The following AACS variants were observed in gnomAD, a reference collection of about 807,000 sequenced individuals.
AACS encodes acetoacetyl-CoA synthetase.
Under a neutral mutation model 83.1 loss-of-function variants are expected in AACS, and 69 were observed. The ratio of observed to expected loss-of-function variants is 0.83; its 90% CI spans 0.68 to 1.01. AACS has a LOEUF of 1.01. Among genes scored for constraint, AACS ranks in the 50% least tolerant of loss-of-function variants. The pLI, the probability that AACS is intolerant of heterozygous loss-of-function variation, is 0.00. For missense variants in AACS, 866 were observed against 882.2 expected (o/e 0.98, Z 0.23); for synonymous variants, 333 against 343.4 (o/e 0.97, Z 0.33).
chr12:125,085,631 T>C (rs1565929557), intron 3 of AACS, among the ~76,000 whole-genome samples: 2 of 152,352 alleles, frequency 1.3e-5, no homozygotes, highest in South Asian at 2.1e-4. Flanking sequence ...CCATTTCTGT[T>C]TCCTGTCTTT....
At chr12:125,078,439 T>G (rs1956084648) in intron 3 of AACS, 1 of 413,464 alleles carries the variant, frequency 2.4e-6, no homozygotes, top group African/African-American at 2.1e-5. Flanking sequence ...AGATAGGTGG[T>G]CTGGGGTCAG....
chr12:125,091,397 C>T, intron 4 of AACS, 29 bp from the exon 5 acceptor site: 1 of 1,611,964 alleles, frequency 6.2e-7, no homozygotes, highest in Non-Finnish European at 8.5e-7. Context: ...ACCCTGAACC[C>T]AAGGCTTCTT....
chr12:125,128,483 G>A lies in AACS; in HGVS notation c.1423+209G>A, dbSNP rs1049770118. On this transcript the variant is annotated intron_variant, in intron 13 of 17. Transcript: ENST00000316519. ...CCCTAGCCTCTGAGAGGTCAGGGTC[G>A]AGCTGGAGGACAGGTGGAGAGATGT... 1.8e-4 allele frequency: 76 copies of A among 430,020 alleles called. No homozygotes were observed. In the South Asian group the frequency reaches 3.0e-3, roughly 17 times the overall value. The allele number at this position is 430,020 out of a possible 1,614,324, so 26.6% of individuals were successfully genotyped here. A position where few individuals can be genotyped will look rare whatever the true frequency, so the allele number is the denominator to read the frequency against.
intron 4 of AACS, among the ~76,000 whole-genome samples, chr12:125,089,116 T>C (rs1418109404): frequency 6.6e-6 from 1 of 152,218 alleles, no homozygotes; most frequent in Non-Finnish European, 1.5e-5. Flanking sequence ...CACCGAGTCC[T>C]GCCCTGACCC....
intron 4 of AACS, among the ~76,000 whole-genome samples, chr12:125,088,897 A>G (rs1956399381): frequency 6.6e-6 from 1 of 152,174 alleles, no homozygotes; most frequent in Non-Finnish European, 1.5e-5. Context: ...TGGGACTTTG[A>G]GTTTTCCAGA....
rs181097168 is a variant in AACS, at chr12:125,070,576, G to A, written c.134-3300G>A. Among the ~76,000 whole-genome samples the A allele has an allele frequency of 6.1e-4, 93 of 152,292 alleles. No homozygotes were observed. In the South Asian group the frequency reaches 7.9e-3, roughly 13 times the overall value. On this transcript the variant is annotated intron_variant, in intron 1 of 17. Coordinates refer to ENST00000316519, the MANE Select transcript of AACS (RefSeq NM_023928.5). ...AAGGTGTGGGCTGGCCAAGATTCTC[G>A]TAGGTGGAGAGGAAGAAGGGCTGAA...
intron 17 of AACS, chr12:125,138,469 T>G (rs1421150074): frequency 6.6e-6 from 1 of 152,242 alleles, no homozygotes; most frequent in Non-Finnish European, 1.5e-5. Context: ...AGTGAATCAG[T>G]GCTGTCTTAT....
At chr12:125,121,735 G>A (rs1957155505) in intron 10 of AACS, 1 of 152,272 alleles carries the variant, frequency 6.6e-6, no homozygotes, top group Non-Finnish European at 1.5e-5. Context: ...CTCTGAATGG[G>A]GCCATTGTCT....
At chr12:125,106,680 A>G (rs111779714) in intron 7 of AACS, among the ~76,000 whole-genome samples, 150 of 152,306 alleles carry the variant, frequency 9.8e-4, no homozygotes, top group Middle Eastern at 6.8e-3. Context: ...TTGGGCAATC[A>G]TTGGAAACAA....
chr12:125,127,139 TA>T (rs1160176052), intron 12 of AACS: 221 of 142,008 alleles, frequency 1.6e-3, no homozygotes, highest in East Asian at 6.4e-3. Context: ...AAACTCCGTC[TA>T]AAAAAAAAAA....
intron 3 of AACS, among the ~76,000 whole-genome samples, chr12:125,081,612 A>G (rs1956187327): frequency 6.6e-6 from 1 of 152,216 alleles, no homozygotes; most frequent in African/African-American, 2.4e-5. Flanking sequence ...AAAAAAATAC[A>G]TACATGTGCA....
At position 125,113,782 on chromosome 12, in the gene AACS, A is replaced by C. The variant is rs1486319938; in HGVS notation, c.916-695A>C. Among the ~76,000 whole-genome samples, 1 of 152,176 alleles carries C rather than the reference A, an allele frequency of 6.6e-6. No homozygotes were observed. Among genetic ancestry groups the C allele is most frequent in the Non-Finnish European group, 1.5e-5 (1 of 68,032 alleles). Reference sequence around the variant, plus strand: ...CTAGGACCGGCTGCCTCTTGGGAGAACTGGGTACAGGACAGGGAGAGAGGA... The same window carrying C: ...CTAGGACCGGCTGCCTCTTGGGAGACCTGGGTACAGGACAGGGAGAGAGGA... On this transcript the variant is annotated intron_variant, in intron 8 of 17. Transcript: ENST00000316519. This position sits in a 1 kb window ranked among gnomAD's most constrained non-coding sequence, Gnocchi z 4.8.
In AACS at chr12:125,097,787, C is replaced by A. The variant is rs911210808; in HGVS notation, c.571-4892C>A. On this transcript the variant is annotated intron_variant, in intron 5 of 17. Transcript: ENST00000316519. This position sits in a 1 kb window ranked among gnomAD's most constrained non-coding sequence, Gnocchi z 4.3. ...CCCAGGGGGAGCCCCATCTCAGTAA[C>A]CCCCGCCACTACAACCCTGCCAAAC... 6.6e-6 allele frequency among the ~76,000 whole-genome samples: 1 copy of A among 152,190 alleles called. No homozygotes were observed. Among genetic ancestry groups the A allele is most frequent in the Non-Finnish European group, 1.5e-5 (1 of 68,032 alleles).
intron 2 of AACS, among the ~76,000 whole-genome samples, chr12:125,074,567 G>A (rs1001494344): frequency 4.0e-5 from 6 of 149,972 alleles, no homozygotes; most frequent in African/African-American, 7.4e-5. Flanking sequence ...GTTTAATTAT[G>A]TTAAAATACA....
intron 3 of AACS, among the ~76,000 whole-genome samples, chr12:125,080,816 C>CG (rs1565926088): frequency 6.6e-6 from 1 of 150,520 alleles, no homozygotes; most frequent in Admixed American, 6.6e-5. Flanking sequence ...CTCAGCCTCC[C>CG]GAGTAGCTGG....
chr12:125,129,907 C>T lies in AACS; in HGVS notation c.1549+447C>T, dbSNP rs187243242. ...CCTCATGGAGATGCTGGAGGAAGAG[C>T]GCTTTTGCGGTGGAAGCATTTACAA... On this transcript the variant is annotated intron_variant, in intron 14 of 17. Transcript: ENST00000316519. The surrounding 1 kb of genome is among the most constrained non-coding windows in gnomAD (Gnocchi z 4.3). Among the ~76,000 whole-genome samples the T allele has an allele frequency of 6.6e-5, 10 of 152,252 alleles. No individual in the cohort carries two copies. Among genetic ancestry groups the T allele is most frequent in the Admixed American group, 4.6e-4 (7 of 15,296 alleles).
intron 14 of AACS, among the ~76,000 whole-genome samples, chr12:125,131,507 C>T (rs755970662): frequency 1.3e-5 from 2 of 151,982 alleles, no homozygotes; most frequent in African/African-American, 4.8e-5. Context: ...CCACCACACC[C>T]GGCCTTGTGT....
intron 1 of AACS, among the ~76,000 whole-genome samples, chr12:125,070,575 C>T (rs986658379): frequency 1.8e-4 from 27 of 152,238 alleles, no homozygotes; most frequent in South Asian, 2.1e-4. Flanking sequence ...CCAAGATTCT[C>T]GTAGGTGGAG....
At chr12:125,072,889 AG>A (rs915700452) in intron 1 of AACS, among the ~76,000 whole-genome samples, 4 of 151,524 alleles carry the variant, frequency 2.6e-5, no homozygotes, top group African/African-American at 9.7e-5. Flanking sequence ...GTGGAATAAA[AG>A]GAGGGAGACC....
Sources: allele counts gnomAD v4.1 joint callset (sites outside exome capture counted in the v4.1 genomes callset), GRCh38; gene constraint gnomAD v4.1.1; non-coding constraint Gnocchi (gnomAD v3.1); transcripts MANE v1.5; gene names NCBI Gene and HGNC (gene_info 2026-07-23, HGNC 2026-07-21).